NRXN3: variants seen among roughly 807,000 people sequenced by gnomAD.
The protein encoded by NRXN3 is neurexin 3.
In NRXN3, 32 loss-of-function variants were observed where a neutral mutation model predicts 137.6. The observed-to-expected ratio is 0.23, with a 90% CI of 0.18 to 0.31. The LOEUF is 0.31. Among genes scored for constraint, NRXN3 ranks in the 10% least tolerant of loss-of-function variants. The pLI, the probability that NRXN3 is intolerant of heterozygous loss-of-function variation, is 1.00. For synonymous variants in NRXN3, 798 were observed against 784.5 expected, an observed-to-expected ratio of 1.02 and a Z score of -0.29; for missense variants, 1,574 against 2,062.5, an observed-to-expected ratio of 0.76 and a Z score of 4.59.
intron 3 of NRXN3, among the ~76,000 whole-genome samples, chr14:78,287,618 C>A (rs955982317): frequency 1.3e-5 from 2 of 152,206 alleles, no homozygotes; most frequent in Non-Finnish European, 2.9e-5. Context: ...TTAGCTTTTC[C>A]ATTCCATTCC....
chr14:79,382,837 C>T (rs1179053457), intron 15 of NRXN3, among the ~76,000 whole-genome samples: 6 of 152,082 alleles, frequency 3.9e-5, no homozygotes, highest in Admixed American at 3.9e-4. Flanking sequence ...GAGGTTCCAA[C>T]TTTACGATTG....
At chr14:78,675,338 G>A (rs1298434315) in intron 6 of NRXN3, among the ~76,000 whole-genome samples, 1 of 152,164 alleles carries the variant, frequency 6.6e-6, no homozygotes. Context: ...GAATCTAAAA[G>A]TCTCTAAACA....
At chr14:79,117,448 A>T (rs1328001617) in intron 15 of NRXN3, among the ~76,000 whole-genome samples, 1 of 152,212 alleles carries the variant, frequency 6.6e-6, no homozygotes, top group Non-Finnish European at 1.5e-5. Flanking sequence ...AGAACCATGG[A>T]TATATGGACA....
chr14:79,311,802 G>A (rs1195205251), intron 15 of NRXN3, among the ~76,000 whole-genome samples: 1 of 23,352 alleles, frequency 4.3e-5, no homozygotes, highest in Non-Finnish European at 7.4e-5. Context: ...ATTTTTTATT[G>A]TGTCTATTTG....
In NRXN3 at chr14:78,225,525, G is replaced by A. The variant is rs60138557; in HGVS notation, c.-703-16866G>A. On this transcript the variant is annotated intron_variant, in intron 1 of 20. Transcript: ENST00000335750. ...GCCCTTTGTCAGATGAGTAGGTTGC[G>A]AAAATTTTCTCCCATTTTGTAGGTT... Among the ~76,000 whole-genome samples the A allele has an allele frequency of 6.3e-3, 942 of 150,538 alleles. 9 individuals are homozygous for A. The highest frequency in any genetic ancestry group is 0.021 in the African/African-American group (861 of 41,364).
chr14:79,813,477 T>G (rs577608043), intron 20 of NRXN3, among the ~76,000 whole-genome samples: 22 of 152,318 alleles, frequency 1.4e-4, no homozygotes, highest in South Asian at 6.2e-4. Context: ...ATGGCTATTT[T>G]TAACTCATTG....
rs1364037935 is a variant in NRXN3 at position 78,778,680 on chromosome 14, T to TTC, written c.2045-24938_2045-24937dup. 4.4e-4 allele frequency among the ~76,000 whole-genome samples: 34 copies of TTC among 77,736 alleles called. 1 individual carries two copies. In the East Asian group the frequency reaches 9.7e-3, roughly 22 times the overall value. 51.0% of individuals were successfully genotyped at this position (77,736 alleles called of 152,430 possible). A position where few individuals can be genotyped will look rare whatever the true frequency, so the allele number is the denominator to read the frequency against. ...TTTTCCTTTTCTTTTCTCTTTTCTT[T>TTC]TCTTTCTTTCTTTCTTTCTTTCTTT... On this transcript the variant is annotated intron_variant, in intron 8 of 20. Coordinates refer to ENST00000335750, the MANE Select transcript of NRXN3 (RefSeq NM_001330195.2).
chr14:79,754,762 C>CTGTT (rs1261034583), intron 19 of NRXN3, among the ~76,000 whole-genome samples: 1 of 151,654 alleles, frequency 6.6e-6, no homozygotes, highest in East Asian at 1.9e-4. Context: ...ATTGTAATCC[C>CTGTT]TGTTTGTTGT....
intron 20 of NRXN3, among the ~76,000 whole-genome samples, chr14:79,849,488 AC>A (rs2099387249): frequency 6.6e-6 from 1 of 152,238 alleles, no homozygotes; most frequent in African/African-American, 2.4e-5. Context: ...AAAGTGGCCA[AC>A]ATGTATGTGA....
At chr14:79,689,051 A>G (rs1251256096) in intron 17 of NRXN3, among the ~76,000 whole-genome samples, 1 of 152,070 alleles carries the variant, frequency 6.6e-6, no homozygotes, top group Non-Finnish European at 1.5e-5. Flanking sequence ...AAATGAAGTT[A>G]TTACATTTTT....
chr14:78,846,660 T>C (rs1032072481), intron 10 of NRXN3, among the ~76,000 whole-genome samples: 3 of 152,042 alleles, frequency 2.0e-5, no homozygotes, highest in Non-Finnish European at 4.4e-5. Flanking sequence ...ATTCCTAGCA[T>C]CTCTGAGGTG....
chr14:78,290,018 A>G (rs1159567141), intron 3 of NRXN3, among the ~76,000 whole-genome samples: 1 of 152,212 alleles, frequency 6.6e-6, no homozygotes, highest in Non-Finnish European at 1.5e-5. Flanking sequence ...GCTGTTCTGC[A>G]TGTTGACATG....
intron 15 of NRXN3, among the ~76,000 whole-genome samples, chr14:79,383,389 G>A (rs1599497961): frequency 6.6e-6 from 1 of 152,060 alleles, no homozygotes; most frequent in Non-Finnish European, 1.5e-5. Context: ...TGGACAAAGG[G>A]AGTAATTTTA....
At chr14:79,144,344 G>C (rs1325830835) in intron 15 of NRXN3, among the ~76,000 whole-genome samples, 2 of 152,162 alleles carry the variant, frequency 1.3e-5, no homozygotes, top group Non-Finnish European at 2.9e-5. Context: ...ACTCTGCTTT[G>C]CTAGAAGATG....
chr14:79,376,195 G>GGTGT (rs369678546), intron 15 of NRXN3, among the ~76,000 whole-genome samples: 1 of 95,408 alleles, frequency 1.0e-5, no homozygotes, highest in Non-Finnish European at 2.1e-5. Flanking sequence ...TATACATGTG[G>GGTGT]GTGTGTGTGT....
intron 15 of NRXN3, among the ~76,000 whole-genome samples, chr14:79,324,800 C>T (rs995859758): frequency 8.5e-5 from 13 of 152,068 alleles, no homozygotes; most frequent in Admixed American, 2.6e-4. Flanking sequence ...AGAACCTAAG[C>T]TTTCTTGTAT....
intron 15 of NRXN3, among the ~76,000 whole-genome samples, chr14:79,284,629 G>T (rs1460510604): frequency 1.3e-5 from 2 of 151,908 alleles, no homozygotes; most frequent in Non-Finnish European, 2.9e-5. Context: ...AGAAACCAGG[G>T]TGTGTGAAAA....
chr14:78,663,704 AT>A (rs925484854), intron 6 of NRXN3, among the ~76,000 whole-genome samples: 82 of 151,208 alleles, frequency 5.4e-4, no homozygotes, highest in Non-Finnish European at 3.2e-4. Flanking sequence ...TTAGCTTTGC[AT>A]TTTTTTTTCT....
chr14:79,748,814 C>T (rs1021240288), intron 19 of NRXN3, among the ~76,000 whole-genome samples: 13 of 151,708 alleles, frequency 8.6e-5, no homozygotes, highest in African/African-American at 2.9e-4. Context: ...TAGTGAATTG[C>T]GATGGTTTCT....
Sources: gnomAD v4.1 joint callset for allele counts (sites outside exome capture counted in the v4.1 genomes callset) on GRCh38, gnomAD v4.1.1 for gene constraint, MANE v1.5 for transcripts, NCBI Gene and HGNC (gene_info 2026-07-23, HGNC 2026-07-21) for gene names.